Variants in DPP6 observed in about 807,000 individuals in gnomAD.
The protein encoded by DPP6 is A-type potassium channel modulatory protein DPP6.
A neutral mutation model predicts 122.6 loss-of-function variants in DPP6; 69 were observed. The observed-to-expected ratio is 0.56, with a 90% confidence interval of 0.46 to 0.69. The LOEUF (loss-of-function observed/expected upper bound fraction) is 0.69, where lower values mean the gene tolerates loss of function less well. DPP6 is among the 30% of genes least tolerant of loss of function. DPP6 has a pLI of 0.00. For synonymous variants in DPP6, 418 were observed against 433.1 expected (o/e 0.97, Z 0.43); for missense variants, 928 against 1,116.9 (o/e 0.83, Z 2.41).
chr7:154,320,537 G>A (rs1472797207), intron 1 of DPP6, among the ~76,000 whole-genome samples: 1 of 152,094 alleles, frequency 6.6e-6, no homozygotes, highest in Non-Finnish European at 1.5e-5. Flanking sequence ...AGGTCGGAGT[G>A]CAGCAGTGCG....
intron 1 of DPP6, among the ~76,000 whole-genome samples, chr7:153,994,614 C>T (rs1210404623): frequency 6.6e-6 from 1 of 152,134 alleles, no homozygotes; most frequent in Non-Finnish European, 1.5e-5. Flanking sequence ...AAAGAAGTTG[C>T]TCATTTCAAG....
intron 1 of DPP6, among the ~76,000 whole-genome samples, chr7:154,234,690 C>T (rs750716187): frequency 1.3e-5 from 2 of 152,138 alleles, no homozygotes; most frequent in South Asian, 2.1e-4. Flanking sequence ...TGCACACACA[C>T]TTTCTGAAGA....
chr7:154,275,381 T>C (rs2150940817), intron 1 of DPP6, among the ~76,000 whole-genome samples: 1 of 152,144 alleles, frequency 6.6e-6, no homozygotes, highest in Non-Finnish European at 1.5e-5. Flanking sequence ...TAAGCCTCCT[T>C]CTCATAACCC....
chr7:153,783,564 C>G, the DPP6 span, among the ~76,000 whole-genome samples: 3 of 152,242 alleles, frequency 2.0e-5, no homozygotes, highest in African/African-American at 7.2e-5. Flanking sequence ...GACTGATAAG[C>G]TTTTTCTTTT....
chr7:153,878,295 C>T, the DPP6 span, among the ~76,000 whole-genome samples: 1 of 151,988 alleles, frequency 6.6e-6, no homozygotes, highest in Non-Finnish European at 1.5e-5. Flanking sequence ...AGATATATAG[C>T]CTTCAGAAAT....
At chr7:154,594,762 C>T (rs10224868) in intron 5 of DPP6, among the ~76,000 whole-genome samples, 89,897 of 151,914 alleles carry the variant, frequency 0.59, 27,095 homozygotes, top group African/African-American at 0.7. Context: ...AAGTTTCGGA[C>T]TAATGCATTT....
At chr7:154,433,275 A>C (rs2151261177) in intron 1 of DPP6, among the ~76,000 whole-genome samples, 1 of 150,076 alleles carries the variant, frequency 6.7e-6, no homozygotes, top group South Asian at 2.1e-4. Flanking sequence ...CCTCCCAAGT[A>C]GCTGAGACAG....
rs573995212 is a variant in DPP6 at position 154,564,336 on chromosome 7, T to A, written c.553-2506T>A. Among the ~76,000 whole-genome samples the A allele has an allele frequency of 2.6e-5, 4 of 152,164 alleles. No individual in the cohort carries two copies. The South Asian group carries it at 8.3e-4, about 32-fold the overall frequency. ...TTTTCTAAAGATAAAATCAACATTGTCTAAAACGTGGATAGTAAGGATCAA... is the reference window on the plus strand; with the variant it reads ...TTTTCTAAAGATAAAATCAACATTGACTAAAACGTGGATAGTAAGGATCAA... On this transcript the variant is annotated intron_variant, in intron 4 of 25. Transcript: ENST00000377770.
chr7:154,104,343 A>C (rs1805983351), intron 1 of DPP6, among the ~76,000 whole-genome samples: 1 of 152,250 alleles, frequency 6.6e-6, no homozygotes. Flanking sequence ...TATTTTATGA[A>C]GATCCTTTGT....
chr7:153,761,408 G>T, the DPP6 span, among the ~76,000 whole-genome samples: 1 of 152,190 alleles, frequency 6.6e-6, no homozygotes, highest in Non-Finnish European at 1.5e-5. Context: ...CCCATACTCT[G>T]CATATCTGAC....
At chr7:154,881,166 A>C in intron 21 of DPP6, 1 of 706,854 alleles carries the variant, frequency 1.4e-6, no homozygotes, top group Non-Finnish European at 2.1e-6. Context: ...AGGAAAGAGA[A>C]GGGAAGCCAA....
chr7:153,772,495 TAA>T, the DPP6 span, among the ~76,000 whole-genome samples: 1 of 151,502 alleles, frequency 6.6e-6, no homozygotes, highest in Non-Finnish European at 1.5e-5. Flanking sequence ...AATAGGTTGA[TAA>T]AAGAGATAAA....
At chr7:153,928,215 T>C (rs1414015949) in intron 1 of DPP6, among the ~76,000 whole-genome samples, 1 of 149,800 alleles carries the variant, frequency 6.7e-6, no homozygotes, top group Admixed American at 6.6e-5. Flanking sequence ...TTTTCTTTTT[T>C]TCTTTTTTTT....
chr7:154,311,710 A>G (rs1365366585), intron 1 of DPP6, among the ~76,000 whole-genome samples: 2 of 152,128 alleles, frequency 1.3e-5, no homozygotes, highest in East Asian at 3.9e-4. Context: ...TCCTACTCCC[A>G]TCCCCATTTG....
intron 1 of DPP6, among the ~76,000 whole-genome samples, chr7:154,078,569 G>A (rs1803740706): frequency 6.6e-6 from 1 of 152,102 alleles, no homozygotes; most frequent in Non-Finnish European, 1.5e-5. Context: ...GCTTGTTAGA[G>A]CTCAACAAAG....
At chr7:154,683,033 TA>T (rs1470691846) in intron 7 of DPP6, among the ~76,000 whole-genome samples, 6 of 152,172 alleles carry the variant, frequency 3.9e-5, no homozygotes, top group Non-Finnish European at 4.4e-5. Context: ...ATTTCCACTC[TA>T]AAAAAAGTTA....
the DPP6 span, among the ~76,000 whole-genome samples, chr7:153,823,525 A>G: frequency 6.7e-6 from 1 of 150,364 alleles, no homozygotes; most frequent in African/African-American, 2.5e-5. Context: ...AAGCTACGAG[A>G]TGGCTGAAAG....
chr7:153,781,485 C>T, the DPP6 span, among the ~76,000 whole-genome samples: 1 of 152,200 alleles, frequency 6.6e-6, no homozygotes, highest in Non-Finnish European at 1.5e-5. Context: ...TGTGGTTCTT[C>T]TGTAGGAACA....
intron 1 of DPP6, among the ~76,000 whole-genome samples, chr7:154,071,662 T>C (rs1384245770): frequency 6.6e-6 from 1 of 152,246 alleles, no homozygotes; most frequent in East Asian, 1.9e-4. Flanking sequence ...ACTACCACTA[T>C]GATTTGAAAC....
Sources: allele counts gnomAD v4.1 joint callset (sites outside exome capture counted in the v4.1 genomes callset), GRCh38; gene constraint gnomAD v4.1.1; transcripts MANE v1.5; gene names NCBI Gene and HGNC (gene_info 2026-07-23, HGNC 2026-07-21).